Variants in PCDHGA4 observed in about 807,000 individuals in gnomAD.
The protein encoded by PCDHGA4 is protocadherin gamma-A4.
In PCDHGA4, 38 loss-of-function variants were observed where a neutral mutation model predicts 54.6. The ratio of observed to expected loss-of-function variants is 0.70; its 90% CI spans 0.54 to 0.91. PCDHGA4 has a LOEUF of 0.91. Ranked by LOEUF, PCDHGA4 falls within the 40% of genes least tolerant of loss-of-function variation. The probability of loss-of-function intolerance (pLI) is 0.00; values close to 1 mark genes in which losing one functional copy is unlikely to be tolerated. For missense variants in PCDHGA4, 1,298 were observed against 1,220.9 expected, an observed-to-expected ratio of 1.06 and a Z score of -0.94; for synonymous variants, 511 against 512.9, an observed-to-expected ratio of 1.00 and a Z score of 0.05.
rs775122106 is a variant in PCDHGA4 at position 141,410,519 on chromosome 5, C to CT, written c.2514+52899dup. On this transcript the variant is annotated intron_variant, in intron 1 of 3. Coordinates refer to ENST00000571252, the MANE Select transcript of PCDHGA4 (RefSeq NM_018917.4). ...TAATTTCCTAAAATGCAGTGTGCCCCTACATTCCAATGAAGACATGGTTTG... is the reference window on the plus strand; with the variant it reads ...TAATTTCCTAAAATGCAGTGTGCCCCTTACATTCCAATGAAGACATGGTTTG... 5.9e-5 allele frequency: 95 copies of CT among 1,613,978 alleles called. 1 individual carries two copies. In the South Asian group the frequency reaches 1.0e-3, roughly 17 times the overall value.
intron 1 of PCDHGA4, chr5:141,375,586 G>A: frequency 6.2e-7 from 1 of 1,614,128 alleles, no homozygotes; most frequent in Non-Finnish European, 8.5e-7. Flanking sequence ...GGGCGCCCCT[G>A]TCCTCCTACG....
At position 141,458,567 on chromosome 5, in the gene PCDHGA4, T is replaced by TTTTG. The variant is rs144471304; in HGVS notation, c.2515-36224_2515-36221dup. Among the ~76,000 whole-genome samples the TTTTG allele has an allele frequency of 8.6e-5, 13 of 151,610 alleles. No individual in the cohort carries two copies. The East Asian group carries it at 1.5e-3, about 18-fold the overall frequency. On this transcript the variant is annotated intron_variant, in intron 1 of 3. Coordinates refer to ENST00000571252, the MANE Select transcript of PCDHGA4 (RefSeq NM_018917.4). ...TTGTTTGTTTGTTTTGGTTTTGGGT[T>TTTTG]TTTGTTTGTTTGTTTGTTTTGGAGA...
rs548263490 is a variant in PCDHGA4, at chr5:141,390,417, A to G, written c.2514+32796A>G. On this transcript the variant is annotated intron_variant, in intron 1 of 3. Transcript: ENST00000571252. ...CATTTTAGGAAAGTTGTAGTCAGTT[A>G]AAAAGCTGTCATATCATTCTACAAA... 4 of 1,127,796 alleles carry G rather than the reference A, an allele frequency of 3.5e-6. No homozygotes were observed. The South Asian group carries it at 4.8e-5, about 13-fold the overall frequency. 69.9% of individuals were successfully genotyped at this position (1,127,796 alleles called of 1,614,324 possible). A position where few individuals can be genotyped will look rare whatever the true frequency, so the allele number is the denominator to read the frequency against.
At chr5:141,360,064 C>A (rs769109998) in intron 1 of PCDHGA4, 19 of 1,462,446 alleles carry the variant, frequency 1.3e-5, no homozygotes, top group Non-Finnish European at 1.7e-5. Flanking sequence ...GGAAAAGTGA[C>A]CTTAGCCCGG....
chr5:141,392,305 GT>G (rs148037308), intron 1 of PCDHGA4: 5,240 of 152,054 alleles, frequency 0.034, 107 homozygotes, highest in Middle Eastern at 0.088. Flanking sequence ...AAAGTATCAT[GT>G]TTTTTTTAAG....
intron 1 of PCDHGA4, among the ~76,000 whole-genome samples, chr5:141,482,238 A>G (rs560354311): frequency 8.5e-5 from 13 of 152,304 alleles, no homozygotes; most frequent in African/African-American, 2.9e-4. Context: ...TTGCCAATAT[A>G]AGTATAGTAC....
chr5:141,451,676 G>C (rs1363843426), intron 1 of PCDHGA4, among the ~76,000 whole-genome samples: 1 of 152,142 alleles, frequency 6.6e-6, no homozygotes, highest in African/African-American at 2.4e-5. Context: ...GAGCCCAGGA[G>C]TTCAAGACCA....
At chr5:141,502,782 T>C (rs1200280465) in intron 2 of PCDHGA4, among the ~76,000 whole-genome samples, 1 of 152,132 alleles carries the variant, frequency 6.6e-6, no homozygotes, top group African/African-American at 2.4e-5. Context: ...GAAAATTACC[T>C]GGATGATTTC....
At chr5:141,384,522 T>G (rs1251146864) in intron 1 of PCDHGA4, 2 of 1,614,074 alleles carry the variant, frequency 1.2e-6, no homozygotes, top group East Asian at 2.2e-5. Context: ...GGGACCCGCC[T>G]CTCAGCAGCA....
intron 1 of PCDHGA4, chr5:141,364,262 C>T (rs899975548): frequency 1.3e-6 from 2 of 1,504,074 alleles, no homozygotes; most frequent in African/African-American, 1.4e-5. Context: ...ATGTACCCAT[C>T]GGCTTTAGAT....
chr5:141,423,693 G>T lies in PCDHGA4; in HGVS notation c.2514+66072G>T, dbSNP rs114008539. On this transcript the variant is annotated intron_variant, in intron 1 of 3. Transcript: ENST00000571252. ...TTATTTCTCTGCCTCCTAATTGTTG[G>T]TGTCTTGGCACAAGTCTTTTAAGGA... 910 of 1,396,244 alleles carry T rather than the reference G, an allele frequency of 6.5e-4. 7 individuals carry two copies. The African/African-American group carries it at 0.012, about 18-fold the overall frequency. 86.5% of individuals were successfully genotyped at this position (1,396,244 alleles called of 1,614,324 possible).
rs185995562 is a variant in PCDHGA4 at position 141,410,475 on chromosome 5, A to T, written c.2514+52854A>T. 63 of 1,614,052 alleles carry T rather than the reference A, an allele frequency of 3.9e-5. No individual in the cohort carries two copies. The highest frequency in any genetic ancestry group is 3.3e-4 in the Middle Eastern group (2 of 6,062). ...TATTCTTATAATCTGTGCATTGCAC[A>T]TACGGGTACAAAAGAGTTTAATTTC... On this transcript the variant is annotated intron_variant, in intron 1 of 3. Transcript: ENST00000571252.
At chr5:141,492,512 T>A (rs2099741406) in intron 1 of PCDHGA4, among the ~76,000 whole-genome samples, 1 of 152,116 alleles carries the variant, frequency 6.6e-6, no homozygotes, top group Admixed American at 6.5e-5. Flanking sequence ...GAGCCTCCTC[T>A]CACCTCTCCC....
Position 141,489,640 on chromosome 5 carries a change from G to A in PCDHGA4, c.2515-5167G>A. The A allele has an allele frequency of 1.2e-6, 2 of 1,614,146 alleles. No individual in the cohort carries two copies. Among genetic ancestry groups the A allele is most frequent in the Non-Finnish European group, 1.7e-6 (2 of 1,180,010 alleles). Reference sequence around the variant, plus strand: ...TCTCAATGACAACTCTCCTAGCTTTGCCACCCCTGAGCGAGAGATGCGCAT... The same window carrying A: ...TCTCAATGACAACTCTCCTAGCTTTACCACCCCTGAGCGAGAGATGCGCAT... On this transcript the variant is annotated intron_variant, in intron 1 of 3. Transcript: ENST00000571252. The surrounding 1 kb of genome is among the most constrained non-coding windows in gnomAD (Gnocchi z 4.5).
In PCDHGA4 at chr5:141,402,724, G is replaced by A. The variant is rs558797465; in HGVS notation, c.2514+45103G>A. Among the ~76,000 whole-genome samples, 7 of 152,276 alleles carry A rather than the reference G, an allele frequency of 4.6e-5. No individual in the cohort carries two copies. The South Asian group carries it at 1.5e-3, about 32-fold the overall frequency. On this transcript the variant is annotated intron_variant, in intron 1 of 3. Transcript: ENST00000571252. Reference sequence around the variant, plus strand: ...GGGTGTAGTAACGGCTTAGGACTCTGAGCGCCGCTGTTGATCAACTCTAAG... The same window carrying A: ...GGGTGTAGTAACGGCTTAGGACTCTAAGCGCCGCTGTTGATCAACTCTAAG...
At chr5:141,479,242 A>G (rs2099491093) in intron 1 of PCDHGA4, 1 of 152,320 alleles carries the variant, frequency 6.6e-6, no homozygotes, top group African/African-American at 2.4e-5. Context: ...AAACCCAAAG[A>G]TAACCATTTT....
At chr5:141,441,790 A>G in intron 1 of PCDHGA4, 1 of 391,228 alleles carries the variant, frequency 2.6e-6, no homozygotes, top group South Asian at 2.0e-5. Context: ...CTGAATGACA[A>G]CGCACCGCGG....
chr5:141,436,240 G>T (rs192988618), intron 1 of PCDHGA4, among the ~76,000 whole-genome samples: 1 of 152,082 alleles, frequency 6.6e-6, no homozygotes. Context: ...AGCTAACATG[G>T]TCTAATTATT....
Position 141,491,650 on chromosome 5 carries a change from G to C in PCDHGA4, c.2515-3157G>C, listed in dbSNP as rs1283977913. On this transcript the variant is annotated intron_variant, in intron 1 of 3. Coordinates refer to ENST00000571252, the MANE Select transcript of PCDHGA4 (RefSeq NM_018917.4). The surrounding 1 kb of genome is among the most constrained non-coding windows in gnomAD (Gnocchi z 6.9). ...TCAGCAGCCCACAGCTCTGGCGCTG[G>C]AGCCTGACGCCATCCGGTCCCGCTC... The C allele has an allele frequency of 6.2e-7, 1 of 1,613,876 alleles. No individual in the cohort carries two copies. The highest frequency in any genetic ancestry group is 1.7e-5 in the Admixed American group (1 of 60,034).
Sources: gnomAD v4.1 joint callset for allele counts (sites outside exome capture counted in the v4.1 genomes callset) on GRCh38, gnomAD v4.1.1 for gene constraint, Gnocchi (gnomAD v3.1) non-coding constraint, MANE v1.5 for transcripts, NCBI Gene and HGNC (gene_info 2026-07-23, HGNC 2026-07-21) for gene names.